Variants in SPANXN4 observed in about 807,000 individuals in gnomAD.
SPANXN4 encodes the protein sperm protein associated with the nucleus on the X chromosome N4.
A neutral mutation model predicts 6.0 loss-of-function variants in SPANXN4; 5 were observed. That is an observed-to-expected ratio of 0.83 (90% CI 0.44 to 1.75). The LOEUF (loss-of-function observed/expected upper bound fraction) is 1.75, where lower values mean the gene tolerates loss of function less well. SPANXN4 is among the 40% of genes most tolerant of loss of function. The pLI is 0.02. For synonymous variants in SPANXN4, 45 were observed against 38.0 expected, an observed-to-expected ratio of 1.19 and a Z score of -0.68; for missense variants, 157 against 108.6, an observed-to-expected ratio of 1.45 and a Z score of -1.98.
At chrX:143,029,311 G>A (rs1932795600) in intron 1 of SPANXN4, among the ~76,000 whole-genome samples, 1 of 111,684 alleles carries the variant, frequency 9.0e-6, no homozygotes, top group African/African-American at 3.3e-5. Flanking sequence ...AGATTAAGGT[G>A]TGAGAGTGTA....
chrX:143,038,109 A>G (rs773870670), downstream of SPANXN4, among the ~76,000 whole-genome samples: 6 of 111,957 alleles, frequency 5.4e-5, no homozygotes, highest in Admixed American at 2.9e-4. Context: ...GTGAAGTGCT[A>G]TAACTCAGGT....
intron 1 of SPANXN4, among the ~76,000 whole-genome samples, chrX:143,033,789 G>T: frequency 9.0e-6 from 1 of 111,484 alleles, no homozygotes; most frequent in Non-Finnish European, 1.9e-5. Flanking sequence ...TTTGACCGAG[G>T]TCTGCATAAT....
intron 1 of SPANXN4, among the ~76,000 whole-genome samples, chrX:143,028,773 C>A (rs766860839): frequency 9.0e-6 from 1 of 110,729 alleles, no homozygotes; most frequent in Non-Finnish European, 1.9e-5. Flanking sequence ...TGTGTGTCCT[C>A]AGGCCTGGTG....
intron 1 of SPANXN4, among the ~76,000 whole-genome samples, chrX:143,028,880 G>A (rs960862900): frequency 3.6e-5 from 4 of 111,397 alleles, no homozygotes; most frequent in Non-Finnish European, 7.5e-5. Context: ...AGCCATGGTC[G>A]AAGAATGTAT....
downstream of SPANXN4, chrX:143,034,799 C>A: frequency 2.0e-6 from 2 of 994,813 alleles, no homozygotes; most frequent in Non-Finnish European, 2.6e-6. Flanking sequence ...AATACTAGGG[C>A]GCTTGTTAAG....
At chrX:143,030,048 T>A (rs1379264778) in intron 1 of SPANXN4, among the ~76,000 whole-genome samples, 1 of 76,526 alleles carries the variant, frequency 1.3e-5, no homozygotes, top group East Asian at 4.8e-4. Context: ...AAAAGGGCAT[T>A]TTTTAGTTTG....
At chrX:143,034,370 T>C (rs1289699090) in intron 2 of SPANXN4, 59 bp downstream of exon 2, 9 of 1,040,159 alleles carry the variant, frequency 8.7e-6, no homozygotes, top group African/African-American at 1.9e-5. Flanking sequence ...AGGGAAAAGA[T>C]AGGCATTTGA....
downstream of SPANXN4, among the ~76,000 whole-genome samples, chrX:143,037,667 C>T (rs191745161): frequency 2.6e-4 from 29 of 111,538 alleles, no homozygotes; most frequent in Admixed American, 5.7e-4. Flanking sequence ...ATTATAATTC[C>T]TATAATCCCC....
intron 1 of SPANXN4, 110 bp downstream of exon 1, chrX:143,026,202 G>A: frequency 4.5e-6 from 3 of 663,191 alleles, no homozygotes; most frequent in Non-Finnish European, 6.8e-6. Context: ...AGAAATGTGG[G>A]GCCAGCTTCA....
At position 143,033,964 on chromosome X, in the gene SPANXN4, T is replaced by C. The variant is rs372222411; in HGVS notation, c.79-64T>C. Reference sequence around the variant, plus strand: ...TTCTTATAAAGCCCCCCTTGCTATCTATTCTCTACCCTCTTCATCCAAAAT... The same window carrying C: ...TTCTTATAAAGCCCCCCTTGCTATCCATTCTCTACCCTCTTCATCCAAAAT... On this transcript the variant is annotated intron_variant, in intron 1 of 2. Transcript: ENST00000370504. 2.8e-5 allele frequency: 29 copies of C among 1,034,715 alleles called. 1 individual carries two copies. Among genetic ancestry groups the C allele is most frequent in the African/African-American group, 2.1e-4 (11 of 51,857 alleles). 85.3% of individuals were successfully genotyped at this position (1,034,715 alleles called of 1,213,427 possible). A position where few individuals can be genotyped will look rare whatever the true frequency, so the allele number is the denominator to read the frequency against.
At chrX:143,032,540 A>AT (rs1932816561) in intron 1 of SPANXN4, among the ~76,000 whole-genome samples, 1 of 110,641 alleles carries the variant, frequency 9.0e-6, no homozygotes, top group African/African-American at 3.3e-5. Flanking sequence ...AGGAGGAGGC[A>AT]TTTTTGCGGG....
At chrX:143,033,882 C>T in intron 1 of SPANXN4, 143 bp from the exon 2 acceptor site, 2 of 525,883 alleles carry the variant, frequency 3.8e-6, no homozygotes, top group Non-Finnish European at 6.3e-6. Context: ...TAGATCCCTA[C>T]CCTATGATTC....
chrX:143,036,299 T>C (rs1436065662), downstream of SPANXN4, among the ~76,000 whole-genome samples: 1 of 111,034 alleles, frequency 9.0e-6, no homozygotes. Flanking sequence ...TGGCCCTTGA[T>C]GTCTACAGAA....
At chrX:143,033,375 T>A (rs769214205) in intron 1 of SPANXN4, among the ~76,000 whole-genome samples, 9 of 111,489 alleles carry the variant, frequency 8.1e-5, no homozygotes, top group Non-Finnish European at 1.3e-4. Context: ...ATCCCCATCC[T>A]GGGTTTTGGC....
At chrX:143,027,798 A>G (rs1932786787) in intron 1 of SPANXN4, among the ~76,000 whole-genome samples, 1 of 109,713 alleles carries the variant, frequency 9.1e-6, no homozygotes, top group Non-Finnish European at 1.9e-5. Context: ...CTCAACTGTT[A>G]GAGGTTGGGG....
At chrX:143,031,238 T>A (rs911445707) in intron 1 of SPANXN4, among the ~76,000 whole-genome samples, 1 of 110,937 alleles carries the variant, frequency 9.0e-6, no homozygotes, top group Non-Finnish European at 1.9e-5. Flanking sequence ...AGTCTGATTG[T>A]GCCTAGAGGG....
intron 1 of SPANXN4, among the ~76,000 whole-genome samples, chrX:143,028,232 G>A (rs765458664): frequency 1.8e-5 from 2 of 110,682 alleles, no homozygotes; most frequent in East Asian, 2.9e-4. Context: ...CTGAGGACCC[G>A]TCCACTTAGG....
At position 143,031,838 on chromosome X, in the gene SPANXN4, T is replaced by TA. The variant is rs200231820; in HGVS notation, c.79-2187dup. The stretch of plus-strand genomic sequence containing the variant: ...CGGGGGCTGACTGGGAGATAAAGTG[T>TA]AAATGAAGGTGGATTTTGCCCTTAT... On this transcript the variant is annotated intron_variant, in intron 1 of 2. Coordinates refer to ENST00000370504, the Ensembl canonical transcript of SPANXN4. Among the ~76,000 whole-genome samples, 27 of 111,724 alleles carry TA rather than the reference T, an allele frequency of 2.4e-4. No homozygotes were observed. The East Asian group carries it at 7.4e-3, about 30-fold the overall frequency.
intron 1 of SPANXN4, among the ~76,000 whole-genome samples, chrX:143,027,844 A>G (rs772316330): frequency 9.0e-6 from 1 of 110,842 alleles, no homozygotes; most frequent in Non-Finnish European, 1.9e-5. Flanking sequence ...CAAAAAGGGC[A>G]AAAGGAGAAA....
Sources: gnomAD v4.1 joint callset for allele counts (sites outside exome capture counted in the v4.1 genomes callset) on GRCh38, gnomAD v4.1.1 for gene constraint, MANE v1.5 for transcripts, NCBI Gene and HGNC (gene_info 2026-07-23, HGNC 2026-07-21) for gene names.